ANKRD28: variants seen among roughly 807,000 people sequenced by gnomAD.
ANKRD28 encodes ankyrin repeat domain 28, also known as serine/threonine-protein phosphatase 6 regulatory ankyrin repeat subunit A.
In ANKRD28, 44 loss-of-function variants were observed where a neutral mutation model predicts 126.5. The ratio of observed to expected loss-of-function variants is 0.35; its 90% CI spans 0.27 to 0.45. ANKRD28 has a LOEUF of 0.45. Ranked by LOEUF, ANKRD28 falls within the 20% of genes least tolerant of loss-of-function variation. ANKRD28 has a pLI of 1.00. For missense variants in ANKRD28, 1,110 were observed against 1,316.6 expected, an observed-to-expected ratio of 0.84 and a Z score of 2.43; for synonymous variants, 442 against 468.5, an observed-to-expected ratio of 0.94 and a Z score of 0.73.
intron 2 of ANKRD28, among the ~76,000 whole-genome samples, chr3:15,778,295 A>C (rs1279047601): frequency 6.6e-6 from 1 of 152,152 alleles, no homozygotes; most frequent in East Asian, 1.9e-4. Context: ...TAAAACAAAT[A>C]ATCTTTTAGT....
intron 3 of ANKRD28, among the ~76,000 whole-genome samples, chr3:15,754,631 G>A (rs1460670102): frequency 6.6e-6 from 1 of 152,042 alleles, no homozygotes; most frequent in African/African-American, 2.4e-5. Flanking sequence ...CTACTTGGGG[G>A]TCTTGGAACA....
upstream of ANKRD28, among the ~76,000 whole-genome samples, chr3:15,799,354 T>C (rs1283769613): frequency 6.6e-6 from 1 of 151,066 alleles, no homozygotes; most frequent in Non-Finnish European, 1.5e-5. Context: ...GATACAAATA[T>C]AAGAATGTCA....
chr3:15,773,894 G>A (rs2059136304), intron 2 of ANKRD28, among the ~76,000 whole-genome samples: 1 of 152,196 alleles, frequency 6.6e-6, no homozygotes, highest in South Asian at 2.1e-4. Context: ...AGCAAAGTTG[G>A]GGGCCTCACG....
chr3:15,758,725 A>C (rs1269000317), intron 3 of ANKRD28, among the ~76,000 whole-genome samples: 2 of 152,172 alleles, frequency 1.3e-5, no homozygotes, highest in African/African-American at 4.8e-5. Flanking sequence ...CAGAACTTTG[A>C]GTAAATAAAT....
rs1384367262 is a variant in ANKRD28 at position 15,859,570 on chromosome 3, TC to T, written c.-168del. ...CCTGCGGGCAGGGGGCGGCGCCGCCTCCCCGGCCGCCCGCCGCCGCCGCCGC... is the reference window on the plus strand; with the variant it reads ...CCTGCGGGCAGGGGGCGGCGCCGCCTCCCGGCCGCCCGCCGCCGCCGCCGC... On this transcript the variant is annotated 5_prime_UTR_variant, in exon 1 of 28. Coordinates refer to the ANKRD28 transcript ENST00000399451. 4.3e-4 allele frequency: 135 copies of T among 314,188 alleles called. 2 individuals carry two copies. The highest frequency in any genetic ancestry group is 5.9e-4 in the Non-Finnish European group (125 of 211,714). 19.5% of individuals were successfully genotyped at this position (314,188 alleles called of 1,614,324 possible).
chr3:15,827,272 A>G (rs2061087949), intron 1 of ANKRD28, among the ~76,000 whole-genome samples: 1 of 152,216 alleles, frequency 6.6e-6, no homozygotes, highest in South Asian at 2.1e-4. Context: ...CAGGGTATAT[A>G]ACCAAAAGAA....
rs1181813699 is a variant in ANKRD28, at chr3:15,846,439, C to T, written c.27+12938G>A. Among the ~76,000 whole-genome samples the T allele has an allele frequency of 6.6e-6, 1 of 152,242 alleles. No homozygotes were observed. Among genetic ancestry groups the T allele is most frequent in the Admixed American group, 6.5e-5 (1 of 15,288 alleles). On this transcript the variant is annotated intron_variant, in intron 1 of 27. Transcript: ENST00000399451. This position sits in a 1 kb window ranked among gnomAD's most constrained non-coding sequence, Gnocchi z 5.4. ...GCCTTGGGCAGCTCTGCCCCTGTGG[C>T]TCTGCAGGGTAAAGCCCCCGAGGCT...
intron 22 of ANKRD28, 31 bp from the exon 23 acceptor site, chr3:15,679,415 C>T: frequency 6.2e-7 from 1 of 1,613,098 alleles, no homozygotes; most frequent in Non-Finnish European, 8.5e-7. Flanking sequence ...ATCATTCTCA[C>T]AGCAATGGTG....
intron 4 of ANKRD28, among the ~76,000 whole-genome samples, chr3:15,739,540 C>G (rs977815338): frequency 1.3e-5 from 2 of 152,074 alleles, no homozygotes; most frequent in Non-Finnish European, 2.9e-5. Context: ...TATTCAAGTC[C>G]TATAAAACTA....
rs1382095497 is a variant in ANKRD28 at position 15,830,321 on chromosome 3, C to T, written c.27+29056G>A. On this transcript the variant is annotated intron_variant, in intron 1 of 27. Coordinates refer to the ANKRD28 transcript ENST00000399451. This position sits in a 1 kb window ranked among gnomAD's most constrained non-coding sequence, Gnocchi z 4.5. ...TCTCTTAGACCAGGGTCCCTAACCC[C>T]TGGACTGAGGACTGCTAGCCATTCA... is the stretch of plus-strand genomic sequence containing the variant. Among the ~76,000 whole-genome samples the T allele has an allele frequency of 6.6e-6, 1 of 152,182 alleles. No individual in the cohort carries two copies. Among genetic ancestry groups the T allele is most frequent in the African/African-American group, 2.4e-5 (1 of 41,438 alleles).
chr3:15,819,618 T>C lies in ANKRD28; in HGVS notation c.28-24312A>G, dbSNP rs796125502. On this transcript the variant is annotated intron_variant, in intron 1 of 27. Coordinates refer to the ANKRD28 transcript ENST00000399451. ...GAGATGGAAGAGACAATTTTTACATTATACTGTTTGTATTCCTTGTAAATC... is the reference window on the plus strand; with the variant it reads ...GAGATGGAAGAGACAATTTTTACATCATACTGTTTGTATTCCTTGTAAATC... 3.3e-5 allele frequency among the ~76,000 whole-genome samples: 5 copies of C among 152,326 alleles called. No homozygotes were observed. The South Asian group carries it at 6.2e-4, about 19-fold the overall frequency.
intron 3 of ANKRD28, among the ~76,000 whole-genome samples, chr3:15,754,359 T>C (rs1209840437): frequency 6.6e-6 from 1 of 152,190 alleles, no homozygotes; most frequent in Admixed American, 6.5e-5. Flanking sequence ...GGTATCATAA[T>C]GCTTGTGTTC....
At chr3:15,718,644 A>T (rs2073352878) in intron 8 of ANKRD28, among the ~76,000 whole-genome samples, 2 of 151,858 alleles carry the variant, frequency 1.3e-5, no homozygotes, top group Non-Finnish European at 2.9e-5. Flanking sequence ...TAAAACAGGA[A>T]GCCCAATCTC....
upstream of ANKRD28, among the ~76,000 whole-genome samples, chr3:15,798,840 C>A (rs1338142380): frequency 1.3e-5 from 2 of 151,934 alleles, no homozygotes; most frequent in Admixed American, 1.3e-4. Context: ...AAAGAAAATA[C>A]CATGGTCCCC....
Position 15,797,251 on chromosome 3 carries a change from T to C in ANKRD28, c.-730A>G. The C allele has an allele frequency of 2.0e-6, 2 of 981,620 alleles. No individual in the cohort carries two copies. The highest frequency in any genetic ancestry group is 2.4e-6 in the Non-Finnish European group (2 of 829,240). The allele number at this position is 981,620 out of a possible 1,614,324, so 60.8% of individuals were successfully genotyped here. A position where few individuals can be genotyped will look rare whatever the true frequency, so the allele number is the denominator to read the frequency against. On this transcript the variant is annotated 5_prime_UTR_variant, in exon 1 of 28. Coordinates refer to ENST00000683139, the MANE Select transcript of ANKRD28 (RefSeq NM_001349278.2). Reference sequence around the variant, plus strand: ...CTCTGCATTAATAGCAAAGCTGCAGTACGTTTACATGTGATGAGTCAGACC... The same window carrying C: ...CTCTGCATTAATAGCAAAGCTGCAGCACGTTTACATGTGATGAGTCAGACC...
At chr3:15,683,710 A>C (rs2067788262) in intron 21 of ANKRD28, 2 of 152,226 alleles carry the variant, frequency 1.3e-5, no homozygotes, top group Admixed American at 1.3e-4. Flanking sequence ...ATAAGGACTA[A>C]TATGAAAATC....
chr3:15,788,502 A>C (rs1234851265), intron 2 of ANKRD28, among the ~76,000 whole-genome samples: 1 of 152,134 alleles, frequency 6.6e-6, no homozygotes, highest in East Asian at 1.9e-4. Flanking sequence ...CAATTTTATA[A>C]AACTGTTGTA....
At chr3:15,719,323 C>A (rs963248716) in intron 8 of ANKRD28, among the ~76,000 whole-genome samples, 2 of 152,164 alleles carry the variant, frequency 1.3e-5, no homozygotes, top group Admixed American at 6.5e-5. Context: ...CTCTGAAAAT[C>A]ACATTTTAAG....
At chr3:15,720,145 G>A (rs2073545040) in intron 8 of ANKRD28, among the ~76,000 whole-genome samples, 1 of 152,068 alleles carries the variant, frequency 6.6e-6, no homozygotes, top group African/African-American at 2.4e-5. Flanking sequence ...ATTACAGGTA[G>A]GAGCCACTAT....
Sources: gnomAD v4.1 joint callset for allele counts (sites outside exome capture counted in the v4.1 genomes callset) on GRCh38, gnomAD v4.1.1 for gene constraint, Gnocchi (gnomAD v3.1) non-coding constraint, MANE v1.5 for transcripts, NCBI Gene and HGNC (gene_info 2026-07-23, HGNC 2026-07-21) for gene names.